The following NRG3 variants were observed in gnomAD, a reference collection of about 807,000 sequenced individuals.
NRG3 encodes neuregulin 3.
Under a neutral mutation model 66.9 loss-of-function variants are expected in NRG3, and 31 were observed. The ratio of observed to expected loss-of-function variants is 0.46; its 90% confidence interval spans 0.35 to 0.63. The LOEUF (loss-of-function observed/expected upper bound fraction) is 0.63, where lower values mean the gene tolerates loss of function less well. Among genes scored for constraint, NRG3 ranks in the 20% least tolerant of loss-of-function variants. The probability of loss-of-function intolerance (pLI) is 0.00; values close to 1 mark genes in which losing one functional copy is unlikely to be tolerated. For synonymous variants in NRG3, 393 were observed against 359.4 expected (o/e 1.09, Z -1.06); for missense variants, 910 against 878.9 (o/e 1.04, Z -0.45).
At chr10:82,383,848 A>G (rs991016880) in intron 2 of NRG3, among the ~76,000 whole-genome samples, 2 of 151,860 alleles carry the variant, frequency 1.3e-5, no homozygotes, top group African/African-American at 4.8e-5. Flanking sequence ...TAAAAACTCA[A>G]TGTTCACAGA....
At chr10:81,921,595 T>C (rs1380901079) in intron 1 of NRG3, among the ~76,000 whole-genome samples, 1 of 152,154 alleles carries the variant, frequency 6.6e-6, no homozygotes, top group South Asian at 2.1e-4. Flanking sequence ...TTTTTATTTG[T>C]AAGATTTAAT....
At chr10:82,405,799 A>T (rs1468281084) in intron 2 of NRG3, among the ~76,000 whole-genome samples, 4 of 152,182 alleles carry the variant, frequency 2.6e-5, no homozygotes, top group African/African-American at 7.2e-5. Context: ...GCTTAGAAAG[A>T]TTATTAAAAT....
At chr10:82,797,068 G>A (rs1368736554) in intron 3 of NRG3, among the ~76,000 whole-genome samples, 1 of 152,138 alleles carries the variant, frequency 6.6e-6, no homozygotes, top group Non-Finnish European at 1.5e-5. Flanking sequence ...AGAAGTAACA[G>A]GACAAATTTA....
At chr10:82,424,060 T>C (rs2089258870) in intron 2 of NRG3, among the ~76,000 whole-genome samples, 1 of 152,098 alleles carries the variant, frequency 6.6e-6, no homozygotes, top group Non-Finnish European at 1.5e-5. Flanking sequence ...ATTTGGCTTG[T>C]ATCTACATTT....
At chr10:82,543,192 TA>T (rs1042133551) in intron 2 of NRG3, among the ~76,000 whole-genome samples, 2 of 152,108 alleles carry the variant, frequency 1.3e-5, no homozygotes, top group African/African-American at 4.8e-5. Context: ...GTGCCCAGCC[TA>T]GATCATTTTT....
intron 4 of NRG3, among the ~76,000 whole-genome samples, chr10:82,933,070 A>G (rs1461069132): frequency 6.6e-6 from 1 of 152,232 alleles, no homozygotes; most frequent in African/African-American, 2.4e-5. Flanking sequence ...GCTAACTCAC[A>G]TATGGAAGCA....
intron 1 of NRG3, among the ~76,000 whole-genome samples, chr10:82,116,364 G>A (rs1207552676): frequency 2.6e-5 from 4 of 152,130 alleles, no homozygotes; most frequent in African/African-American, 4.8e-5. Context: ...CTGGTTTCCT[G>A]AGTAGCCAAG....
chr10:82,774,713 G>T (rs1329651047), intron 3 of NRG3, among the ~76,000 whole-genome samples: 1 of 149,914 alleles, frequency 6.7e-6, no homozygotes, highest in Non-Finnish European at 1.5e-5. Flanking sequence ...CTTTTTCAAA[G>T]AAACAACTCT....
At chr10:82,468,212 C>T (rs1343541774) in intron 2 of NRG3, among the ~76,000 whole-genome samples, 1 of 152,162 alleles carries the variant, frequency 6.6e-6, no homozygotes, top group Non-Finnish European at 1.5e-5. Context: ...GCTCAACCTC[C>T]CTCCACCACA....
At chr10:82,676,866 T>A (rs1565192700) in intron 2 of NRG3, among the ~76,000 whole-genome samples, 1 of 152,052 alleles carries the variant, frequency 6.6e-6, no homozygotes, top group Non-Finnish European at 1.5e-5. Context: ...TTGGAGTTGC[T>A]TTTAAGGGGA....
chr10:81,973,562 C>T (rs1430761016), intron 1 of NRG3, among the ~76,000 whole-genome samples: 2 of 152,148 alleles, frequency 1.3e-5, no homozygotes, highest in African/African-American at 2.4e-5. Flanking sequence ...GCAACCTTGA[C>T]AGCATCTGTT....
At chr10:82,192,728 GAAC>G (rs2074224121) in intron 1 of NRG3, among the ~76,000 whole-genome samples, 1 of 152,110 alleles carries the variant, frequency 6.6e-6, no homozygotes, top group African/African-American at 2.4e-5. Context: ...GATATGTAGT[GAAC>G]AAGAGAGGCA....
chr10:82,322,975 C>A (rs10884546), intron 1 of NRG3, among the ~76,000 whole-genome samples: 23,833 of 152,046 alleles, frequency 0.16, 3,082 homozygotes, highest in African/African-American at 0.35. Context: ...TTATTCAGAG[C>A]CTTCTGATGA....
chr10:82,865,153 T>C (rs115730269), intron 3 of NRG3, among the ~76,000 whole-genome samples: 2,511 of 152,332 alleles, frequency 0.016, 73 homozygotes, highest in African/African-American at 0.058. Flanking sequence ...GCATTCTTCA[T>C]GATGTATGCA....
intron 1 of NRG3, among the ~76,000 whole-genome samples, chr10:82,016,847 A>G (rs1204563864): frequency 2.0e-5 from 3 of 152,176 alleles, no homozygotes; most frequent in Non-Finnish European, 4.4e-5. Flanking sequence ...AACAATAGTG[A>G]CATCCTTAGA....
intron 3 of NRG3, among the ~76,000 whole-genome samples, chr10:82,851,038 A>ACCG (rs1259009337): frequency 6.6e-6 from 1 of 152,176 alleles, no homozygotes; most frequent in Non-Finnish European, 1.5e-5. Flanking sequence ...TAAAAATAGA[A>ACCG]CCGACTTTAT....
intron 3 of NRG3, among the ~76,000 whole-genome samples, chr10:82,786,224 A>G (rs868363252): frequency 7.9e-5 from 12 of 152,314 alleles, no homozygotes; most frequent in Admixed American, 2.0e-4. Context: ...AGCTGCAGCC[A>G]TAAGACTCTA....
intron 2 of NRG3, among the ~76,000 whole-genome samples, chr10:82,695,611 G>A (rs2134239712): frequency 6.6e-6 from 1 of 152,070 alleles, no homozygotes; most frequent in Middle Eastern, 3.4e-3. Flanking sequence ...CTGGGGAGAG[G>A]TGTTTCTGTT....
chr10:82,490,646 A>T (rs1843015396), intron 2 of NRG3, among the ~76,000 whole-genome samples: 1 of 152,068 alleles, frequency 6.6e-6, no homozygotes, highest in South Asian at 2.1e-4. Context: ...TCCAAACTCT[A>T]GACTTGTATT....
Sources: allele counts gnomAD v4.1 joint callset (sites outside exome capture counted in the v4.1 genomes callset), GRCh38; gene constraint gnomAD v4.1.1; transcripts MANE v1.5; gene names NCBI Gene and HGNC (gene_info 2026-07-23, HGNC 2026-07-21).